The following GPATCH1 variants were observed in gnomAD, a reference collection of about 807,000 sequenced individuals.
The protein encoded by GPATCH1 is G patch domain-containing protein 1.
GPATCH1 carries 73 observed loss-of-function variants against 114.9 expected under a neutral mutation model. The observed-to-expected ratio is 0.64, with a 90% CI of 0.53 to 0.77. The LOEUF is 0.77. Ranked by LOEUF, GPATCH1 falls within the 30% of genes least tolerant of loss-of-function variation. The pLI is 0.00. For missense variants in GPATCH1, 1,058 were observed against 1,144.3 expected (o/e 0.92, Z 1.09); for synonymous variants, 391 against 428.4 (o/e 0.91, Z 1.08).
At chr19:33,116,792 G>A (rs993607027) in intron 15 of GPATCH1, among the ~76,000 whole-genome samples, 1 of 152,024 alleles carries the variant, frequency 6.6e-6, no homozygotes, top group Admixed American at 6.6e-5. Context: ...GCCTCCCAAA[G>A]TGCTGGGATT....
chr19:33,122,347 C>T (rs376130843), intron 17 of GPATCH1, among the ~76,000 whole-genome samples: 138 of 138,402 alleles, frequency 1.0e-3, no homozygotes, highest in African/African-American at 3.5e-3. Context: ...TTTTTTGAGA[C>T]GGAGTCTCGC....
chr19:33,114,557 G>A (rs1455815098), intron 15 of GPATCH1, 138 bp downstream of exon 15: 2 of 671,262 alleles, frequency 3.0e-6, no homozygotes, highest in Non-Finnish European at 4.9e-6. Flanking sequence ...CATTTGGCTT[G>A]TTTCTAACTT....
chr19:33,128,270 A>AT (rs1021728190), intron 19 of GPATCH1, among the ~76,000 whole-genome samples: 9 of 149,128 alleles, frequency 6.0e-5, no homozygotes, highest in South Asian at 2.1e-4. Flanking sequence ...TTAAAAAATC[A>AT]TTTTTTTTGA....
At chr19:33,112,030 ATC>A in intron 12 of GPATCH1, 128 bp downstream of exon 12, 1 of 654,778 alleles carries the variant, frequency 1.5e-6, no homozygotes, top group Non-Finnish European at 2.6e-6. Flanking sequence ...CAGTGGTGTG[ATC>A]TCGGCTCACT....
chr19:33,087,662 C>T (rs1323591770), intron 1 of GPATCH1, among the ~76,000 whole-genome samples: 2 of 151,358 alleles, frequency 1.3e-5, no homozygotes, highest in Admixed American at 6.6e-5. Context: ...TTTCATCTGT[C>T]GGAACTCTCC....
chr19:33,089,401 T>C (rs1184696361), intron 2 of GPATCH1, among the ~76,000 whole-genome samples: 3 of 152,234 alleles, frequency 2.0e-5, no homozygotes, highest in Non-Finnish European at 4.4e-5. Flanking sequence ...TTTTATGTTA[T>C]GTACTTTTAT....
At chr19:33,095,376 C>T (rs1250557123) in intron 5 of GPATCH1, among the ~76,000 whole-genome samples, 2 of 151,640 alleles carry the variant, frequency 1.3e-5, no homozygotes, top group Non-Finnish European at 2.9e-5. Context: ...ATTCTCCTGC[C>T]TCAGCCTCCT....
rs767326524 is a variant in GPATCH1 at position 33,126,574 on chromosome 19, T to C, written c.2620-14T>C. ...ATACATTTGTTTTCCCCCACCACTA[T>C]TTGTTTTTTACAGAAAAAGAAACAC... On this transcript the variant is annotated splice_polypyrimidine_tract_variant and intron_variant, in intron 18 of 19. Transcript: ENST00000170564. 7 of 1,611,468 alleles carry C rather than the reference T, an allele frequency of 4.3e-6. No homozygotes were observed. The South Asian group carries it at 5.5e-5, about 13-fold the overall frequency.
chr19:33,086,934 A>T (rs1227575399), intron 1 of GPATCH1, among the ~76,000 whole-genome samples: 1 of 151,876 alleles, frequency 6.6e-6, no homozygotes, highest in Non-Finnish European at 1.5e-5. Flanking sequence ...AGATCATGCC[A>T]CTGCACTCCA....
At chr19:33,110,690 C>T (rs1316277340) in intron 11 of GPATCH1, among the ~76,000 whole-genome samples, 3 of 150,318 alleles carry the variant, frequency 2.0e-5, no homozygotes, top group Non-Finnish European at 4.4e-5. Context: ...TGTTTTTCTG[C>T]CAAAACATAG....
intron 2 of GPATCH1, among the ~76,000 whole-genome samples, chr19:33,090,191 C>T (rs1972578667): frequency 6.6e-6 from 1 of 152,128 alleles, no homozygotes; most frequent in Non-Finnish European, 1.5e-5. Context: ...GGGAACAAGG[C>T]CATTGGTTAC....
chr19:33,110,576 C>A (rs1279099061), intron 11 of GPATCH1, among the ~76,000 whole-genome samples: 4 of 151,712 alleles, frequency 2.6e-5, no homozygotes, highest in African/African-American at 9.7e-5. Context: ...AAAAACAGAT[C>A]TTTGCGGAAT....
intron 17 of GPATCH1, among the ~76,000 whole-genome samples, chr19:33,123,002 G>A (rs903518618): frequency 6.6e-5 from 10 of 151,810 alleles, no homozygotes; most frequent in African/African-American, 2.4e-4. Flanking sequence ...AGCTCAGGAG[G>A]TGGAGGCTAC....
At chr19:33,098,921 T>G (rs1472786017) in intron 8 of GPATCH1, among the ~76,000 whole-genome samples, 1 of 151,750 alleles carries the variant, frequency 6.6e-6, no homozygotes, top group Non-Finnish European at 1.5e-5. Flanking sequence ...CCTTCCAATG[T>G]TTTTCTTTTT....
intron 1 of GPATCH1, among the ~76,000 whole-genome samples, chr19:33,086,846 C>A (rs913719508): frequency 4.6e-5 from 7 of 152,016 alleles, no homozygotes; most frequent in African/African-American, 1.4e-4. Context: ...CGGTCGCTCA[C>A]ACCTGTAATC....
intron 15 of GPATCH1, among the ~76,000 whole-genome samples, chr19:33,115,062 T>C (rs1299357206): frequency 4.8e-5 from 7 of 146,524 alleles, no homozygotes; most frequent in African/African-American, 1.7e-4. Flanking sequence ...AGTGAATTGA[T>C]CTTTTTTTTT....
At position 33,088,347 on chromosome 19, in the gene GPATCH1, T is replaced by C. The variant is rs549357644; in HGVS notation, c.208+79T>C. 115 of 1,119,414 alleles carry C rather than the reference T, an allele frequency of 1.0e-4. No homozygotes were observed. The African/African-American group carries it at 1.6e-3, about 16-fold the overall frequency. The allele number at this position is 1,119,414 out of a possible 1,614,324, so 69.3% of individuals were successfully genotyped here. On this transcript the variant is annotated intron_variant, in intron 2 of 19. Transcript: ENST00000170564. ...TTGATTCTCCCTCACCCTTGCTTTT[T>C]TTTTTTTTAATTTTGAGACAAGAGT...
rs71176196 is a variant in GPATCH1 at position 33,115,225 on chromosome 19, ATT to A, written c.2196+836_2196+837del. Among the ~76,000 whole-genome samples, 519 of 56,764 alleles carry A rather than the reference ATT, an allele frequency of 9.1e-3. 4 individuals are homozygous for A. Among genetic ancestry groups the A allele is most frequent in the African/African-American group, 0.014 (174 of 12,388 alleles). The allele number at this position is 56,764 out of a possible 152,430, so 37.2% of individuals were successfully genotyped here. On this transcript the variant is annotated intron_variant, in intron 15 of 19. Transcript: ENST00000170564. ...GGGCACACACCACCATGCCTGGCTA[ATT>A]TTTTTTTTTTTTTTTTTTTTTTTTT...
At position 33,098,444 on chromosome 19, in the gene GPATCH1, A is replaced by G. The variant is rs369220376; in HGVS notation, c.1000+542A>G. On this transcript the variant is annotated intron_variant, in intron 8 of 19. Transcript: ENST00000170564. ...AACTTCATGCTGTGTTGAAATTTCA[A>G]GGTGAATCAGATCCTGTGGTTTGAA... 2.4e-4 allele frequency among the ~76,000 whole-genome samples: 37 copies of G among 152,316 alleles called. 3 individuals carry two copies. Among genetic ancestry groups the G allele is most frequent in the African/African-American group, 8.7e-4 (36 of 41,574 alleles).
Sources: gnomAD v4.1 joint callset for allele counts (sites outside exome capture counted in the v4.1 genomes callset) on GRCh38, gnomAD v4.1.1 for gene constraint, MANE v1.5 for transcripts, NCBI Gene and HGNC (gene_info 2026-07-23, HGNC 2026-07-21) for gene names.